Variants in EIF2D observed in about 807,000 individuals in gnomAD.
EIF2D encodes eukaryotic translation initiation factor 2D, also known as hepatocellular carcinoma-associated antigen 56.
EIF2D carries 56 observed loss-of-function variants against 77.4 expected under a neutral mutation model. The ratio of observed to expected loss-of-function variants is 0.72; its 90% CI spans 0.58 to 0.90. The LOEUF (loss-of-function observed/expected upper bound fraction) is 0.90, where lower values mean the gene tolerates loss of function less well. EIF2D is among the 40% of genes least tolerant of loss of function. EIF2D has a pLI of 0.00. For missense variants in EIF2D, 574 were observed against 706.5 expected, an observed-to-expected ratio of 0.81 and a Z score of 2.13; for synonymous variants, 230 against 271.0, an observed-to-expected ratio of 0.85 and a Z score of 1.49.
Position 206,602,852 on chromosome 1 carries a change from G to A in EIF2D, c.784+99C>T, listed in dbSNP as rs571682762. The A allele has an allele frequency of 8.3e-5, 125 of 1,500,000 alleles. 1 individual carries two copies. Among genetic ancestry groups the A allele is most frequent in the South Asian group, 6.6e-4 (49 of 74,250 alleles). The allele number at this position is 1,500,000 out of a possible 1,614,324, so 92.9% of individuals were successfully genotyped here. On this transcript the variant is annotated intron_variant, in intron 6 of 14. Coordinates refer to ENST00000271764, the MANE Select transcript of EIF2D (RefSeq NM_006893.3). The stretch of plus-strand genomic sequence containing the variant: ...AATAAGGACCTTCCCCTCCTCCCCC[G>A]GAAGCTTAAGGGCCATTCTAGTCAG...
downstream of EIF2D, chr1:206,587,052 T>A: frequency 6.4e-7 from 1 of 1,552,044 alleles, no homozygotes; most frequent in African/African-American, 1.4e-5. Context: ...CAACAGACAC[T>A]TTTTCTCAGG....
rs886115112 is a variant in EIF2D, at chr1:206,609,465, C to T, written c.248-6G>A. ...ATAGGACCACAGCGTGTACACTGTA[C>T]AAAAAGAGATCCAGAAAACACTACT... On this transcript the variant is annotated splice_polypyrimidine_tract_variant and splice_region_variant and intron_variant, in intron 2 of 14. Transcript: ENST00000271764. 6.2e-6 allele frequency: 10 copies of T among 1,608,978 alleles called. No homozygotes were observed. The highest frequency in any genetic ancestry group is 8.5e-6 in the Non-Finnish European group (10 of 1,178,214).
rs782066519 is a variant in EIF2D at position 206,608,313 on chromosome 1, A to C, written c.345T>G (p.Pro115=). 6 of 1,611,532 alleles carry C rather than the reference A, an allele frequency of 3.7e-6. No individual in the cohort carries two copies. In the Admixed American group the frequency reaches 1.0e-4, roughly 27 times the overall value. Residue 115 remains proline (P), a synonymous_variant, in exon 4 of 15, where the codon CCT becomes CCG. Coordinates refer to ENST00000271764, the MANE Select transcript of EIF2D (RefSeq NM_006893.3). ...GACCAGCAGGGGGCATCACCAGTCC[A>C]GGCAGCATCAAATCTGCAATGAACA... ...KLVGGADLML[P]GLVMPPAGLP...
chr1:206,584,900 A>C lies in EIF2D; in HGVS notation c.139-3738T>G. On this transcript the variant is annotated intron_variant and NMD_transcript_variant, in intron 2 of 5. Transcript: ENST00000472709. This position sits in a 1 kb window ranked among gnomAD's most constrained non-coding sequence, Gnocchi z 4.9. ...TGTGACTTCAGGAAAACCACACCCT[A>C]GGCTCCCATTTCCTGATCTGTGCAA... The C allele has an allele frequency of 1.6e-6, 1 of 613,464 alleles. No homozygotes were observed. Among genetic ancestry groups the C allele is most frequent in the Non-Finnish European group, 2.9e-6 (1 of 349,110 alleles). 38.0% of individuals were successfully genotyped at this position (613,464 alleles called of 1,614,324 possible).
downstream of EIF2D, chr1:206,588,278 C>T (rs1329270993): frequency 6.6e-6 from 1 of 152,646 alleles, no homozygotes; most frequent in African/African-American, 2.4e-5. Flanking sequence ...GGTCACAGAC[C>T]TCCCTCCCAT....
At chr1:206,573,831 G>A (rs1668539029) in intron 4 of EIF2D, among the ~76,000 whole-genome samples, 1 of 152,222 alleles carries the variant, frequency 6.6e-6, no homozygotes, top group African/African-American at 2.4e-5. Context: ...AATATAGTGA[G>A]AGCCCCATCT....
intron 2 of EIF2D, chr1:206,585,416 T>C: frequency 1.3e-6 from 1 of 746,968 alleles, no homozygotes; most frequent in Non-Finnish European, 2.4e-6. Flanking sequence ...AAGGTGACTG[T>C]TGAGAGAGTG....
intron 6 of EIF2D, 123 bp downstream of exon 6, chr1:206,602,828 A>T: frequency 1.4e-6 from 2 of 1,408,754 alleles, no homozygotes; most frequent in African/African-American, 2.9e-5. Context: ...CTCACAGAAA[A>T]TAAGGACCTT....
chr1:206,611,614 C>T (rs916863407), intron 1 of EIF2D, among the ~76,000 whole-genome samples: 1 of 152,186 alleles, frequency 6.6e-6, no homozygotes, highest in Non-Finnish European at 1.5e-5. Context: ...GAAAACAGGC[C>T]CAGTGAACAA....
chr1:206,585,583 A>C, intron 2 of EIF2D: 1 of 253,856 alleles, frequency 3.9e-6, no homozygotes. Flanking sequence ...GGACCAAGAA[A>C]CTCCCTGTGC....
chr1:206,604,027 G>C (rs1553412055), intron 5 of EIF2D, among the ~76,000 whole-genome samples: 3 of 152,106 alleles, frequency 2.0e-5, no homozygotes, highest in African/African-American at 7.2e-5. Flanking sequence ...GATTGCTGTT[G>C]CCCAGACTGA....
chr1:206,603,871 G>A (rs12077772), intron 5 of EIF2D, among the ~76,000 whole-genome samples: 13,589 of 152,242 alleles, frequency 0.089, 751 homozygotes, highest in African/African-American at 0.15. Flanking sequence ...TAATAGTTAC[G>A]GCAAGGCTTC....
chr1:206,595,008 A>G (rs1186542928), intron 13 of EIF2D: 1 of 152,128 alleles, frequency 6.6e-6, no homozygotes, highest in Non-Finnish European at 1.5e-5. Context: ...GATCCTCACA[A>G]TGCCTTACCA....
intron 11 of EIF2D, among the ~76,000 whole-genome samples, chr1:206,598,046 AT>A (rs1376418069): frequency 6.6e-6 from 1 of 150,940 alleles, no homozygotes; most frequent in Non-Finnish European, 1.5e-5. Context: ...TGAAAAAAAA[AT>A]TTTTTTTTGA....
chr1:206,591,560 C>T, downstream of EIF2D: 1 of 586,724 alleles, frequency 1.7e-6, no homozygotes, highest in East Asian at 2.8e-5. Flanking sequence ...GCCACCGTGA[C>T]CTCTTCTGTC....
intron 12 of EIF2D, among the ~76,000 whole-genome samples, chr1:206,596,791 T>C (rs1669668826): frequency 6.6e-6 from 1 of 152,110 alleles, no homozygotes; most frequent in Non-Finnish European, 1.5e-5. Flanking sequence ...GCCCAAGCAA[T>C]CCTACCGCCT....
chr1:206,584,320 C>T lies in EIF2D; in HGVS notation c.139-3158G>A, dbSNP rs1553406992. On this transcript the variant is annotated intron_variant and NMD_transcript_variant, in intron 2 of 5. Transcript: ENST00000472709. The surrounding 1 kb of genome is among the most constrained non-coding windows in gnomAD (Gnocchi z 4.9). Reference sequence around the variant, plus strand: ...GGTGGGTGCTGCTGGGGCAATGGCCCCGAGTGGCAGATATGATCATGCAAG... The same window carrying T: ...GGTGGGTGCTGCTGGGGCAATGGCCTCGAGTGGCAGATATGATCATGCAAG... The T allele has an allele frequency of 6.7e-7, 1 of 1,494,726 alleles. No individual in the cohort carries two copies. 92.6% of individuals were successfully genotyped at this position (1,494,726 alleles called of 1,614,324 possible). A position where few individuals can be genotyped will look rare whatever the true frequency, so the allele number is the denominator to read the frequency against.
chr1:206,582,824 GTGT>G (rs1239494007), intron 2 of EIF2D, among the ~76,000 whole-genome samples: 3 of 152,200 alleles, frequency 2.0e-5, no homozygotes, highest in Non-Finnish European at 4.4e-5. Context: ...CCCTCCAGCT[GTGT>G]TGTTACTTCC....
chr1:206,593,464 A>C (rs1669451835), intron 14 of EIF2D, among the ~76,000 whole-genome samples, 155 bp downstream of exon 14: 1 of 139,754 alleles, frequency 7.2e-6, no homozygotes, highest in Admixed American at 7.0e-5. Context: ...TAAAAACTAA[A>C]TGGAGAGAGA....
Sources: gnomAD v4.1 joint callset for allele counts (sites outside exome capture counted in the v4.1 genomes callset) on GRCh38, gnomAD v4.1.1 for gene constraint, Gnocchi (gnomAD v3.1) non-coding constraint, MANE v1.5 for transcripts, NCBI Gene and HGNC (gene_info 2026-07-23, HGNC 2026-07-21) for gene names.